GSR: variants seen among roughly 807,000 people sequenced by gnomAD.
GSR encodes glutathione reductase, mitochondrial.
A neutral mutation model predicts 56.5 loss-of-function variants in GSR; 48 were observed. That is an observed-to-expected ratio of 0.85 (90% CI 0.67 to 1.08). GSR has a LOEUF of 1.08. GSR is among the 50% of genes least tolerant of loss of function. The pLI, the probability that GSR is intolerant of heterozygous loss-of-function variation, is 0.00. For synonymous variants in GSR, 264 were observed against 270.8 expected (o/e 0.97, Z 0.25); for missense variants, 694 against 703.3 (o/e 0.99, Z 0.15).
intron 10 of GSR, 22 bp from the exon 11 acceptor site, chr8:30,682,083 A>C (rs1265723937): frequency 6.2e-7 from 1 of 1,607,184 alleles, no homozygotes; most frequent in Non-Finnish European, 8.5e-7. Flanking sequence ...TTTTAAAATC[A>C]GTGTTTATCT....
intron 10 of GSR, among the ~76,000 whole-genome samples, chr8:30,683,036 C>T (rs924039253): frequency 6.6e-6 from 1 of 152,072 alleles, no homozygotes; most frequent in African/African-American, 2.4e-5. Flanking sequence ...CCATGTTGGT[C>T]AGGAAGGTCT....
intron 3 of GSR, among the ~76,000 whole-genome samples, chr8:30,708,991 A>C (rs1021787672): frequency 1.3e-5 from 2 of 151,582 alleles, no homozygotes; most frequent in Non-Finnish European, 2.9e-5. Context: ...AAAACAACCC[A>C]AAAATTCACT....
chr8:30,704,319 C>T (rs959994347), intron 4 of GSR, among the ~76,000 whole-genome samples: 3 of 151,996 alleles, frequency 2.0e-5, no homozygotes, highest in East Asian at 3.9e-4. Flanking sequence ...AGACAAGACC[C>T]TCTCTCAAAA....
At chr8:30,692,615 C>T (rs1803424286) in intron 8 of GSR, among the ~76,000 whole-genome samples, 2 of 149,658 alleles carry the variant, frequency 1.3e-5, no homozygotes. Flanking sequence ...AATTCTCCTG[C>T]CTCAACCTCC....
At chr8:30,704,374 C>T (rs190403178) in intron 4 of GSR, among the ~76,000 whole-genome samples, 38 of 152,214 alleles carry the variant, frequency 2.5e-4, no homozygotes, top group Admixed American at 2.0e-4. Context: ...AGAAAGACAA[C>T]AGGATAATGG....
At chr8:30,721,213 C>T (rs1804525784) in intron 1 of GSR, among the ~76,000 whole-genome samples, 1 of 152,210 alleles carries the variant, frequency 6.6e-6, no homozygotes, top group African/African-American at 2.4e-5. Flanking sequence ...CTGATACCCA[C>T]CATCTCCCGT....
At chr8:30,703,523 G>A (rs1803818047) in intron 4 of GSR, among the ~76,000 whole-genome samples, 1 of 152,074 alleles carries the variant, frequency 6.6e-6, no homozygotes, top group Non-Finnish European at 1.5e-5. Context: ...GAGGTGGGTG[G>A]ATAGCTTGAG....
intron 12 of GSR, 151 bp from the exon 13 acceptor site, chr8:30,679,820 C>T (rs1017987739): frequency 4.3e-6 from 3 of 690,964 alleles, no homozygotes; most frequent in Non-Finnish European, 7.5e-6. Context: ...ATTCTCCTGC[C>T]TCAGCCTCCC....
rs1803280852 is a variant in GSR, at chr8:30,689,313, C to T, written c.889G>A (p.Glu297Lys). ...AAGCCCGACAAAGTCTTTTTAACCT[C>T]CTTGACCTATTGGCAAATAAAATGT... ...VEVLKFSQVK[E>K]VKKTLSGLEV... The change falls in exon 9 of 13, where the codon GAG becomes AAG. Residue 297 changes from glutamate (E) to lysine (K), a missense_variant. Coordinates refer to ENST00000221130, the MANE Select transcript of GSR (RefSeq NM_000637.5). The T allele has an allele frequency of 6.2e-7, 1 of 1,613,726 alleles. No homozygotes were observed. Among genetic ancestry groups the T allele is most frequent in the Non-Finnish European group, 8.5e-7 (1 of 1,179,706 alleles).
intron 12 of GSR, among the ~76,000 whole-genome samples, chr8:30,680,657 C>A (rs187164733): frequency 7.7e-4 from 116 of 151,602 alleles, no homozygotes; most frequent in African/African-American, 2.7e-3. Context: ...GGCCTCCCAG[C>A]GTGCTGGGAT....
At chr8:30,722,534 T>G (rs1401615417) in intron 1 of GSR, among the ~76,000 whole-genome samples, 2 of 32,838 alleles carry the variant, frequency 6.1e-5, no homozygotes, top group Non-Finnish European at 4.1e-4. Context: ...GAGACCAGCC[T>G]GGGCAACAAA....
intron 6 of GSR, among the ~76,000 whole-genome samples, chr8:30,698,639 G>A (rs764304590): frequency 1.3e-5 from 2 of 152,146 alleles, no homozygotes; most frequent in Non-Finnish European, 2.9e-5. Context: ...GAACTGCCTC[G>A]TGCTGTCTGA....
At chr8:30,703,269 T>C (rs779063243) in intron 4 of GSR, 29 bp from the exon 5 acceptor site, 7 of 1,607,420 alleles carry the variant, frequency 4.4e-6, no homozygotes, top group Middle Eastern at 3.3e-4. Context: ...CATTAGCCTG[T>C]TCTTAGAATA....
chr8:30,703,115 G>A lies in GSR; in HGVS notation c.618C>T (p.Thr206=), dbSNP rs1325843235. 16 of 1,614,120 alleles carry A rather than the reference G, an allele frequency of 9.9e-6. No individual in the cohort carries two copies. The highest frequency in any genetic ancestry group is 1.4e-5 in the Non-Finnish European group (16 of 1,180,002). The change falls in exon 5 of 13, where the codon ACC becomes ACT. Residue 206 remains threonine (T), a synonymous_variant. Transcript: ENST00000221130. ...ILIATGGMPS[T]PHESQIPGAS... The stretch of plus-strand genomic sequence containing the variant: ...CACCGGGGATCTGGCTCTCATGAGG[G>A]GTGGAGGGCATACCACCTGTGGCGA...
intron 7 of GSR, 80 bp from the exon 8 acceptor site, chr8:30,693,135 T>G (rs936015519): frequency 8.4e-6 from 7 of 834,872 alleles, no homozygotes; most frequent in African/African-American, 8.3e-5. Context: ...GGAGGGAAAC[T>G]TCAGCATTAT....
chr8:30,689,821 A>G lies in GSR; in HGVS notation c.883-502T>C, dbSNP rs1362725008. Among the ~76,000 whole-genome samples the G allele has an allele frequency of 8.4e-5, 12 of 143,642 alleles. No individual in the cohort carries two copies. In the East Asian group the frequency reaches 2.4e-3, roughly 28 times the overall value. The allele number at this position is 143,642 out of a possible 152,430, so 94.2% of individuals were successfully genotyped here. On this transcript the variant is annotated intron_variant, in intron 8 of 12. Coordinates refer to ENST00000221130, the MANE Select transcript of GSR (RefSeq NM_000637.5). Reference sequence around the variant, plus strand: ...TATATTTATATATAAATATATTTATATATGTAAAATAAACATATGCATATT... The same window carrying G: ...TATATTTATATATAAATATATTTATGTATGTAAAATAAACATATGCATATT...
At chr8:30,681,366 C>CA (rs2128736652) in intron 11 of GSR, among the ~76,000 whole-genome samples, 1 of 151,972 alleles carries the variant, frequency 6.6e-6, no homozygotes, top group African/African-American at 2.4e-5. Context: ...CCCATCTCTA[C>CA]AAAAAATTAG....
At chr8:30,703,595 A>C (rs1586053584) in intron 4 of GSR, among the ~76,000 whole-genome samples, 1 of 151,908 alleles carries the variant, frequency 6.6e-6, no homozygotes, top group Admixed American at 6.6e-5. Context: ...AAAAATACAA[A>C]AATTAGCCAT....
chr8:30,700,723 C>CAA lies in GSR; in HGVS notation c.641-590_641-589dup, dbSNP rs55702917. ...TGGGAACAGAGCAAGATTTTGTCTC[C>CAA]AAAAAAAAAAAAAAAAAAAAAAAAA... On this transcript the variant is annotated intron_variant, in intron 5 of 12. Coordinates refer to ENST00000221130, the MANE Select transcript of GSR (RefSeq NM_000637.5). 1.8e-3 allele frequency among the ~76,000 whole-genome samples: 143 copies of CAA among 80,034 alleles called. 6 individuals carry two copies. The highest frequency in any genetic ancestry group is 7.7e-3 in the Middle Eastern group (1 of 130). The allele number at this position is 80,034 out of a possible 152,430, so 52.5% of individuals were successfully genotyped here.
Sources: gnomAD v4.1 joint callset for allele counts (sites outside exome capture counted in the v4.1 genomes callset) on GRCh38, gnomAD v4.1.1 for gene constraint, MANE v1.5 for transcripts, NCBI Gene and HGNC (gene_info 2026-07-23, HGNC 2026-07-21) for gene names.